The following COL12A1 variants were observed in gnomAD, a reference collection of about 807,000 sequenced individuals.
COL12A1 encodes collagen alpha-1(XII) chain.
In COL12A1, 114 loss-of-function variants were observed where a neutral mutation model predicts 349.7. The ratio of observed to expected loss-of-function variants is 0.33; its 90% CI spans 0.28 to 0.38. COL12A1 has a LOEUF of 0.38. Ranked by LOEUF, COL12A1 falls within the 10% of genes least tolerant of loss-of-function variation. COL12A1 has a pLI of 1.00. For synonymous variants in COL12A1, 1,369 were observed against 1,329.0 expected (o/e 1.03, Z -0.66); for missense variants, 3,284 against 3,756.9 (o/e 0.87, Z 3.29).
At chr6:75,113,173 A>G in intron 51 of COL12A1, 31 bp downstream of exon 51, 1 of 1,199,218 alleles carries the variant, frequency 8.3e-7, no homozygotes, top group Admixed American at 2.3e-5. Flanking sequence ...TTTTTTCTAG[A>G]AATAAGACTC....
chr6:75,179,271 T>C (rs754266044), intron 11 of COL12A1, among the ~76,000 whole-genome samples: 4 of 152,010 alleles, frequency 2.6e-5, no homozygotes, highest in Non-Finnish European at 4.4e-5. Context: ...GACCAAAAAC[T>C]AGAGTGTGTA....
At position 75,192,257 on chromosome 6, in the gene COL12A1, A is replaced by G. The variant is rs1477957297; in HGVS notation, c.289T>C (p.Tyr97His). 7 of 1,609,258 alleles carry G rather than the reference A, an allele frequency of 4.3e-6. No homozygotes were observed. In the Admixed American group the frequency reaches 5.0e-5, roughly 12 times the overall value. Residue 97 changes from tyrosine to histidine, a missense_variant, in exon 4 of 66, where the codon TAT (tyrosine) becomes CAT (histidine). Tyr to His is a moderately conservative substitution (Grantham distance 83, BLOSUM62 2). Transcript: ENST00000322507. ...GGTACACTTTCTTCTACTTCATCAT[A>G]TGAAGTTATTGTCACCACATACTCT... ...ETEYVVTITS[Y>H]DEVEESVPVI...
At chr6:75,140,942 G>A (rs1421820839) in intron 27 of COL12A1, among the ~76,000 whole-genome samples, 1 of 152,086 alleles carries the variant, frequency 6.6e-6, no homozygotes, top group Non-Finnish European at 1.5e-5. Flanking sequence ...ATTGAGATGT[G>A]CTCTAAGTGT....
At chr6:75,133,810 A>G (rs1305626747) in intron 33 of COL12A1, 48 bp downstream of exon 33, 1 of 1,604,802 alleles carries the variant, frequency 6.2e-7, no homozygotes, top group Non-Finnish European at 8.5e-7. Flanking sequence ...TAAATCACTC[A>G]GCTACCATTT....
At chr6:75,191,830 T>C in intron 4 of COL12A1, 70 bp from the exon 5 acceptor site, 1 of 964,362 alleles carries the variant, frequency 1.0e-6, no homozygotes, top group African/African-American at 1.7e-5. Flanking sequence ...ATAGAATAAA[T>C]ATATTATATT....
chr6:75,159,986 A>G (rs1481466650), intron 14 of COL12A1, among the ~76,000 whole-genome samples: 1 of 152,120 alleles, frequency 6.6e-6, no homozygotes, highest in Non-Finnish European at 1.5e-5. Flanking sequence ...ACTCTTCAAA[A>G]TAAAGAAACT....
chr6:75,134,435 G>A (rs1766478177), intron 32 of COL12A1, among the ~76,000 whole-genome samples: 1 of 152,144 alleles, frequency 6.6e-6, no homozygotes, highest in African/African-American at 2.4e-5. Context: ...GCCGGGTGTG[G>A]TGGTGTGCAC....
At chr6:75,101,460 T>C in intron 58 of COL12A1, 140 bp downstream of exon 58, 1 of 728,968 alleles carries the variant, frequency 1.4e-6, no homozygotes. Context: ...GATGGTCCAC[T>C]GACATTAGCT....
rs111902297 is a variant in COL12A1 at position 75,094,843 on chromosome 6, G to A, written c.8649+265C>T. 0.011 allele frequency among the ~76,000 whole-genome samples: 1,736 copies of A among 152,218 alleles called. 27 individuals are homozygous for A. Among genetic ancestry groups the A allele is most frequent in the African/African-American group, 0.039 (1,618 of 41,518 alleles). On this transcript the variant is annotated intron_variant, in intron 60 of 65. Coordinates refer to ENST00000322507, the MANE Select transcript of COL12A1 (RefSeq NM_004370.6). Reference sequence around the variant, plus strand: ...ACCCAGCTCTGAGTGTTTATACAGCGCAGAAATATGTGTCTTGGCTCATAA... The same window carrying A: ...ACCCAGCTCTGAGTGTTTATACAGCACAGAAATATGTGTCTTGGCTCATAA...
rs1767493171 is a variant in COL12A1 at position 75,086,478 on chromosome 6, G to A, written c.*69C>T. ...GACTCATTTCCTAATAAGCACGTGC[G>A]CAAACATCTCAGAAACAGGATTTTC... is the stretch of plus-strand genomic sequence containing the variant. On this transcript the variant is annotated 3_prime_UTR_variant, in exon 66 of 66. Transcript: ENST00000322507. 16 of 1,450,618 alleles carry A rather than the reference G, an allele frequency of 1.1e-5. No homozygotes were observed. The highest frequency in any genetic ancestry group is 3.7e-5 in the South Asian group (3 of 80,072). 89.9% of individuals were successfully genotyped at this position (1,450,618 alleles called of 1,614,324 possible).
In COL12A1 at chr6:75,133,889, T is replaced by C. The variant is rs746619115; in HGVS notation, c.5633A>G (p.Tyr1878Cys). The change falls in exon 33 of 66, where the codon TAT (tyrosine) becomes TGT (cysteine). Residue 1878 changes from tyrosine to cysteine, a missense_variant. Around this residue, in one of 2 missense-constraint regions of COL12A1, gnomAD observed 2,601 missense variants for 2,824.8 expected, o/e 0.92. Transcript: ENST00000322507. ...CTCTGGACCACCTGCTGCTGGTGCA[T>C]AGAAGAGCTTGTACTGACGAGGATT... ...EGNPRQYKLF[Y>C]APAAGGPEEL... The C allele has an allele frequency of 2.6e-5, 42 of 1,613,944 alleles. No individual in the cohort carries two copies. The highest frequency in any genetic ancestry group is 3.2e-5 in the Non-Finnish European group (38 of 1,179,988).
chr6:75,137,557 G>A lies in COL12A1; in HGVS notation c.5274C>T (p.Asn1758=), dbSNP rs374747725. The A allele has an allele frequency of 1.9e-6, 3 of 1,613,668 alleles. No homozygotes were observed. The highest frequency in any genetic ancestry group is 3.3e-5 in the Admixed American group (2 of 59,970). The change falls in exon 31 of 66, where the codon AAC becomes AAT. Residue 1758 remains asparagine, a synonymous_variant. Coordinates refer to ENST00000322507, the MANE Select transcript of COL12A1 (RefSeq NM_004370.6). ...TTQAPKSGPR[N]LQVYNATSNS... Reference sequence around the variant, plus strand: ...TAGATGTTGCATTGTACACTTGAAGGTTTCGTGGGCCACTTTTGGGAGCTG... The same window carrying A: ...TAGATGTTGCATTGTACACTTGAAGATTTCGTGGGCCACTTTTGGGAGCTG...
At chr6:75,133,721 C>T in intron 33 of COL12A1, 137 bp downstream of exon 33, 1 of 1,015,700 alleles carries the variant, frequency 9.8e-7, no homozygotes, top group South Asian at 1.6e-5. Flanking sequence ...CAACTATTTA[C>T]CCTCTATAAA....
chr6:75,175,442 C>T (rs911463067), intron 12 of COL12A1, 132 bp from the exon 13 acceptor site: 2 of 1,070,674 alleles, frequency 1.9e-6, no homozygotes, highest in African/African-American at 3.2e-5. Flanking sequence ...ACAATTTTAA[C>T]TGTTGACCAG....
chr6:75,165,803 T>A lies in COL12A1; in HGVS notation c.2711-24A>T, dbSNP rs148718783. The A allele has an allele frequency of 1.0e-3, 1,611 of 1,603,576 alleles. 9 individuals are homozygous for A. The African/African-American group carries it at 0.018, about 18-fold the overall frequency. On this transcript the variant is annotated intron_variant, in intron 13 of 65. Coordinates refer to ENST00000322507, the MANE Select transcript of COL12A1 (RefSeq NM_004370.6). ...TTCTAGAACAGAAATTAAAAGGGAA[T>A]CTTTTTTAAAAATGTCTAGTAGGTA... is the stretch of plus-strand genomic sequence containing the variant.
chr6:75,174,128 C>A (rs1768784196), intron 13 of COL12A1, among the ~76,000 whole-genome samples: 1 of 152,160 alleles, frequency 6.6e-6, no homozygotes, highest in Non-Finnish European at 1.5e-5. Flanking sequence ...ATATAAAGGC[C>A]TCTGACAATT....
chr6:75,117,352 G>A, intron 47 of COL12A1, 30 bp downstream of exon 47: 3 of 1,606,330 alleles, frequency 1.9e-6, no homozygotes, highest in Non-Finnish European at 2.6e-6. Flanking sequence ...GAATAAGTGA[G>A]GTTATAGATC....
At chr6:75,173,249 C>T (rs193276573) in intron 13 of COL12A1, among the ~76,000 whole-genome samples, 217 of 152,314 alleles carry the variant, frequency 1.4e-3, no homozygotes, top group African/African-American at 5.0e-3. Flanking sequence ...GGTCACACAG[C>T]TAAGCAGTAC....
intron 46 of COL12A1, among the ~76,000 whole-genome samples, chr6:75,118,669 C>G (rs1769203501): frequency 6.6e-6 from 1 of 152,218 alleles, no homozygotes; most frequent in South Asian, 2.1e-4. Flanking sequence ...CAAAGATGTG[C>G]TAAAGCTAAA....
Sources: allele counts gnomAD v4.1 joint callset (sites outside exome capture counted in the v4.1 genomes callset), GRCh38; gene constraint gnomAD v4.1.1; regional missense constraint gnomAD v4.1.1; transcripts MANE v1.5; gene names NCBI Gene and HGNC (gene_info 2026-07-23, HGNC 2026-07-21).